The following SMIM13 variants were observed in gnomAD, a reference collection of about 807,000 sequenced individuals.
The protein encoded by SMIM13 is small integral membrane protein 13.
A neutral mutation model predicts 5.9 loss-of-function variants in SMIM13; 3 were observed. The ratio of observed to expected loss-of-function variants is 0.51; its 90% confidence interval spans 0.23 to 1.31. The LOEUF (loss-of-function observed/expected upper bound fraction) is 1.31, where lower values mean the gene tolerates loss of function less well. SMIM13 is among the 40% of genes most tolerant of loss of function. SMIM13 has a pLI of 0.18. For synonymous variants in SMIM13, 55 were observed against 46.0 expected, an observed-to-expected ratio of 1.19 and a Z score of -0.79; for missense variants, 85 against 109.9, an observed-to-expected ratio of 0.77 and a Z score of 1.01.
At chr6:11,115,842 G>T (rs1299321396) in intron 1 of SMIM13, among the ~76,000 whole-genome samples, 6 of 147,090 alleles carry the variant, frequency 4.1e-5, no homozygotes, top group Middle Eastern at 7.3e-3. Context: ...GGGCCACCAT[G>T]CCTGGCTAAT....
rs192448215 is a variant in SMIM13, at chr6:11,107,841, C to A, written c.76+13452C>A. On this transcript the variant is annotated intron_variant, in intron 1 of 1. Transcript: ENST00000416247. ...GTTTTTGAAATTTTTCAGTCAGAAG[C>A]TGAAATCCCTCTTTGGCCTCCAGCT... Among the ~76,000 whole-genome samples the A allele has an allele frequency of 1.4e-4, 21 of 152,298 alleles. No homozygotes were observed. In the East Asian group the frequency reaches 3.5e-3, roughly 25 times the overall value.
Position 11,138,226 on chromosome 6 carries a change from T to C in SMIM13, c.*3624T>C, listed in dbSNP as rs1758539300. The C allele has an allele frequency of 6.6e-6, 1 of 152,230 alleles. No individual in the cohort carries two copies. The highest frequency in any genetic ancestry group is 2.1e-4 in the South Asian group (1 of 4,838). 9.4% of individuals were successfully genotyped at this position (152,230 alleles called of 1,614,324 possible). Reference sequence around the variant, plus strand: ...AGCAGTCCTCAGAGGTTATGGACTCTCAAGCGACTAATGGAATAGTGTTCT... The same window carrying C: ...AGCAGTCCTCAGAGGTTATGGACTCCCAAGCGACTAATGGAATAGTGTTCT... On this transcript the variant is annotated 3_prime_UTR_variant, in exon 2 of 2. Transcript: ENST00000416247.
At position 11,138,700 on chromosome 6, in the gene SMIM13, T is replaced by G. The variant is rs943050823; in HGVS notation, c.*4098T>G. On this transcript the variant is annotated 3_prime_UTR_variant, in exon 2 of 2. Coordinates refer to ENST00000416247, the MANE Select transcript of SMIM13 (RefSeq NM_001135575.2). ...TTTGTATGATGTTTTAACTTTCACT[T>G]TAAACTGCATAGAATAAATTAAATT... 4 of 152,178 alleles carry G rather than the reference T, an allele frequency of 2.6e-5. No individual in the cohort carries two copies. Among genetic ancestry groups the G allele is most frequent in the African/African-American group, 7.2e-5 (3 of 41,448 alleles). The allele number at this position is 152,178 out of a possible 1,614,324, so 9.4% of individuals were successfully genotyped here.
intron 1 of SMIM13, among the ~76,000 whole-genome samples, chr6:11,122,766 A>G (rs1758327464): frequency 6.6e-6 from 1 of 152,210 alleles, no homozygotes; most frequent in African/African-American, 2.4e-5. Flanking sequence ...ATCTAACAAA[A>G]TAATTGCCTG....
At chr6:11,133,307 G>C (rs1411481975) in intron 1 of SMIM13, among the ~76,000 whole-genome samples, 2 of 152,136 alleles carry the variant, frequency 1.3e-5, no homozygotes, top group Non-Finnish European at 2.9e-5. Context: ...CAAGCTTAAA[G>C]CAAAAACTTG....
chr6:11,109,984 C>A (rs1054371887), intron 1 of SMIM13, among the ~76,000 whole-genome samples: 2 of 152,176 alleles, frequency 1.3e-5, no homozygotes, highest in African/African-American at 4.8e-5. Flanking sequence ...GGCAGTGTCC[C>A]CCATTCATTC....
At chr6:11,095,500 C>T (rs1391153089) in intron 1 of SMIM13, among the ~76,000 whole-genome samples, 7 of 152,180 alleles carry the variant, frequency 4.6e-5, no homozygotes, top group African/African-American at 9.6e-5. Context: ...TACAGGTGCC[C>T]GCCACCATGC....
chr6:11,095,406 C>A (rs879826370), intron 1 of SMIM13, among the ~76,000 whole-genome samples: 2 of 152,154 alleles, frequency 1.3e-5, no homozygotes, highest in Non-Finnish European at 2.9e-5. Context: ...AATGCAGTGG[C>A]CTGATCTTGG....
At chr6:11,114,080 A>C (rs1414733561) in intron 1 of SMIM13, among the ~76,000 whole-genome samples, 2 of 151,624 alleles carry the variant, frequency 1.3e-5, no homozygotes, top group African/African-American at 4.9e-5. Flanking sequence ...CCAGGATTCA[A>C]GCGATTCTCC....
chr6:11,103,636 G>C, intron 1 of SMIM13: 1 of 1,482,778 alleles, frequency 6.7e-7, no homozygotes, highest in Admixed American at 2.5e-5. Context: ...GTCCACGGGA[G>C]ACGGGGCAGG....
At chr6:11,103,404 G>A in intron 1 of SMIM13, 1 of 342,602 alleles carries the variant, frequency 2.9e-6, no homozygotes, top group Non-Finnish European at 5.3e-6. Context: ...TGGTGAGGGG[G>A]CCCTCCCCTG....
chr6:11,098,202 A>G (rs974771846), intron 1 of SMIM13, among the ~76,000 whole-genome samples: 3 of 152,154 alleles, frequency 2.0e-5, no homozygotes, highest in African/African-American at 7.2e-5. Flanking sequence ...TCAGATTCCT[A>G]GGCAGGTTTC....
At chr6:11,098,037 T>A (rs1757947293) in intron 1 of SMIM13, among the ~76,000 whole-genome samples, 1 of 152,200 alleles carries the variant, frequency 6.6e-6, no homozygotes, top group African/African-American at 2.4e-5. Flanking sequence ...CTCTTTGGGC[T>A]GGGTCTCCTG....
intron 1 of SMIM13, among the ~76,000 whole-genome samples, chr6:11,122,922 A>G (rs1349551605): frequency 6.6e-6 from 1 of 152,096 alleles, no homozygotes; most frequent in Non-Finnish European, 1.5e-5. Context: ...AAAAACACCC[A>G]TGTCAGCTGG....
chr6:11,095,183 A>C (rs1757906938), intron 1 of SMIM13, among the ~76,000 whole-genome samples: 1 of 152,220 alleles, frequency 6.6e-6, no homozygotes, highest in African/African-American at 2.4e-5. Flanking sequence ...ATAAGACTGA[A>C]GTATGGGTTC....
intron 1 of SMIM13, among the ~76,000 whole-genome samples, chr6:11,134,099 A>G (rs1341039884): frequency 1.3e-5 from 2 of 152,038 alleles, no homozygotes; most frequent in Admixed American, 1.3e-4. Flanking sequence ...AATGCTCTCA[A>G]AAATTTGATT....
intron 1 of SMIM13, chr6:11,105,462 G>T: frequency 1.6e-6 from 1 of 619,058 alleles, no homozygotes; most frequent in Non-Finnish European, 2.9e-6. Context: ...AAGGATGTTG[G>T]TGGGGCATTA....
At chr6:11,133,506 C>G (rs1358725815) in intron 1 of SMIM13, among the ~76,000 whole-genome samples, 1 of 152,122 alleles carries the variant, frequency 6.6e-6, no homozygotes, top group Non-Finnish European at 1.5e-5. Flanking sequence ...TGCTGTGTTT[C>G]ATTTCTATTC....
chr6:11,113,156 T>C (rs551278671), intron 1 of SMIM13, among the ~76,000 whole-genome samples: 6 of 152,208 alleles, frequency 3.9e-5, no homozygotes, highest in Non-Finnish European at 7.3e-5. Context: ...ATTATTAACA[T>C]TCAGTTGCAA....
Sources: allele counts gnomAD v4.1 joint callset (sites outside exome capture counted in the v4.1 genomes callset), GRCh38; gene constraint gnomAD v4.1.1; transcripts MANE v1.5; gene names NCBI Gene and HGNC (gene_info 2026-07-23, HGNC 2026-07-21).